The following DIP2C variants were observed in gnomAD, a reference collection of about 807,000 sequenced individuals.
The protein encoded by DIP2C is disco-interacting protein 2 homolog C.
In DIP2C, 33 loss-of-function variants were observed where a neutral mutation model predicts 192.4. That is an observed-to-expected ratio of 0.17 (90% CI 0.13 to 0.23). The LOEUF (loss-of-function observed/expected upper bound fraction) is 0.23. DIP2C is among the 10% of genes least tolerant of loss of function. The probability of loss-of-function intolerance (pLI) is 1.00; values close to 1 mark genes in which losing one functional copy is unlikely to be tolerated. For synonymous variants in DIP2C, 979 were observed against 864.1 expected, an observed-to-expected ratio of 1.13 and a Z score of -2.33; for missense variants, 1,537 against 2,110.1, an observed-to-expected ratio of 0.73 and a Z score of 5.32.
chr10:418,724 T>G (rs1333164755), intron 6 of DIP2C, among the ~76,000 whole-genome samples: 1 of 152,282 alleles, frequency 6.6e-6, no homozygotes, highest in African/African-American at 2.4e-5. Flanking sequence ...AAGTGACTGT[T>G]CATGGTCTTA....
chr10:519,158 A>G (rs1001429974), intron 1 of DIP2C, among the ~76,000 whole-genome samples: 2 of 152,194 alleles, frequency 1.3e-5, no homozygotes, highest in Non-Finnish European at 2.9e-5. Context: ...CAGGTAACCC[A>G]GGCCTAAGCC....
At chr10:417,257 A>C (rs1965704234) in intron 6 of DIP2C, among the ~76,000 whole-genome samples, 1 of 152,116 alleles carries the variant, frequency 6.6e-6, no homozygotes, top group African/African-American at 2.4e-5. Context: ...GTGACCCAGA[A>C]TCACCCTCCC....
At chr10:578,442 C>A (rs1163597477) in intron 1 of DIP2C, among the ~76,000 whole-genome samples, 1 of 152,196 alleles carries the variant, frequency 6.6e-6, no homozygotes, top group South Asian at 2.1e-4. Context: ...TCACTGAAAT[C>A]ACCAAGTCCC....
chr10:391,751 A>G (rs1963472702), intron 10 of DIP2C, among the ~76,000 whole-genome samples: 1 of 152,200 alleles, frequency 6.6e-6, no homozygotes, highest in African/African-American at 2.4e-5. Context: ...CTCAGCATGA[A>G]CCCCTCAATT....
intron 32 of DIP2C, among the ~76,000 whole-genome samples, chr10:301,472 G>C (rs1014572086): frequency 6.6e-6 from 1 of 152,108 alleles, no homozygotes; most frequent in Non-Finnish European, 1.5e-5. Context: ...CTGCTCATTC[G>C]CTGCTTGTCT....
At chr10:500,848 C>T (rs1305297066) in intron 1 of DIP2C, among the ~76,000 whole-genome samples, 1 of 152,172 alleles carries the variant, frequency 6.6e-6, no homozygotes, top group Non-Finnish European at 1.5e-5. Context: ...AGGTTTCAGG[C>T]TTCAGAAAAT....
At chr10:416,578 C>A (rs889667984) in intron 6 of DIP2C, among the ~76,000 whole-genome samples, 3 of 152,226 alleles carry the variant, frequency 2.0e-5, no homozygotes, top group African/African-American at 4.8e-5. Flanking sequence ...AATACTAGCC[C>A]CTACCTATCC....
At chr10:640,915 G>A (rs1855158189) in intron 1 of DIP2C, among the ~76,000 whole-genome samples, 1 of 152,070 alleles carries the variant, frequency 6.6e-6, no homozygotes, top group African/African-American at 2.4e-5. Flanking sequence ...TGAACCAGCA[G>A]CGACCCTAAC....
intron 1 of DIP2C, among the ~76,000 whole-genome samples, chr10:571,478 T>TCA (rs1171015532): frequency 1.4e-5 from 2 of 146,318 alleles, no homozygotes. Flanking sequence ...CCCCCCTCCT[T>TCA]CACTCCCATT....
chr10:449,917 C>CAAAAAAAAAAAAAAAAAA (rs1287942290), intron 3 of DIP2C, among the ~76,000 whole-genome samples: 3 of 22,566 alleles, frequency 1.3e-4, no homozygotes, highest in South Asian at 2.6e-3. Context: ...CAGTCAACAA[C>CAAAAAAAAAAAAAAAAAA]AACAAAAAAA....
intron 1 of DIP2C, among the ~76,000 whole-genome samples, chr10:548,608 T>G: frequency 8.4e-6 from 1 of 119,188 alleles, no homozygotes; most frequent in Non-Finnish European, 1.7e-5. Context: ...TGGCAAGGGT[T>G]ATGGGGGTGA....
chr10:414,611 G>A (rs1048810933), intron 7 of DIP2C, among the ~76,000 whole-genome samples: 1 of 151,274 alleles, frequency 6.6e-6, no homozygotes. Flanking sequence ...CCAGGCTCAG[G>A]TTATCCTCCC....
chr10:659,637 C>T (rs146782021), intron 1 of DIP2C, among the ~76,000 whole-genome samples: 30 of 152,302 alleles, frequency 2.0e-4, no homozygotes, highest in African/African-American at 7.2e-4. Flanking sequence ...TTGAATTGAA[C>T]GAATTCTGCT....
chr10:325,374 C>T (rs183129600), intron 31 of DIP2C, among the ~76,000 whole-genome samples: 1 of 152,242 alleles, frequency 6.6e-6, no homozygotes. Flanking sequence ...AATTTTACAC[C>T]ACACGCTGAA....
At chr10:676,069 C>A (rs1449950941) in intron 1 of DIP2C, among the ~76,000 whole-genome samples, 1 of 152,216 alleles carries the variant, frequency 6.6e-6, no homozygotes, top group Admixed American at 6.5e-5. Context: ...ACACCACGAT[C>A]AAGTGGGATT....
At chr10:668,816 G>C (rs1427178132) in intron 1 of DIP2C, 3 of 152,214 alleles carry the variant, frequency 2.0e-5, no homozygotes, top group African/African-American at 7.2e-5. Flanking sequence ...TCAGATTCAA[G>C]CATGTTTATC....
At chr10:311,754 T>C (rs1468440188) in intron 31 of DIP2C, among the ~76,000 whole-genome samples, 3 of 152,068 alleles carry the variant, frequency 2.0e-5, no homozygotes, top group African/African-American at 7.2e-5. Context: ...CAACATCAAA[T>C]ATGGAAATCA....
intron 1 of DIP2C, among the ~76,000 whole-genome samples, chr10:492,985 G>A (rs1317675117): frequency 2.0e-5 from 3 of 152,212 alleles, no homozygotes; most frequent in Admixed American, 6.5e-5. Flanking sequence ...TATGAATGCC[G>A]ATGGAATTTT....
chr10:330,749 G>A (rs574737502), intron 29 of DIP2C, among the ~76,000 whole-genome samples: 1 of 150,938 alleles, frequency 6.6e-6, no homozygotes, highest in African/African-American at 2.4e-5. Context: ...GGCCATGTAA[G>A]ATGTGCCTGG....
Sources: gnomAD v4.1 joint callset for allele counts (sites outside exome capture counted in the v4.1 genomes callset) on GRCh38, gnomAD v4.1.1 for gene constraint, MANE v1.5 for transcripts, NCBI Gene and HGNC (gene_info 2026-07-23, HGNC 2026-07-21) for gene names.